IGF2R: variants seen among roughly 807,000 people sequenced by gnomAD.
IGF2R encodes the protein cation-independent mannose-6-phosphate receptor.
IGF2R carries 91 observed loss-of-function variants against 270.6 expected under a neutral mutation model. That is an observed-to-expected ratio of 0.34 (90% confidence interval 0.28 to 0.40). IGF2R has a LOEUF of 0.40. Ranked by LOEUF, IGF2R falls within the 10% of genes least tolerant of loss-of-function variation. The pLI is 1.00. For synonymous variants in IGF2R, 1,316 were observed against 1,258.9 expected (o/e 1.05, Z -0.96); for missense variants, 2,805 against 3,188.3 (o/e 0.88, Z 2.90).
In IGF2R at chr6:160,061,554, C is replaced by G; in HGVS notation, c.3314C>G (p.Pro1105Arg). 2 of 1,614,124 alleles carry G rather than the reference C, an allele frequency of 1.2e-6. No homozygotes were observed. The highest frequency in any genetic ancestry group is 1.7e-6 in the Non-Finnish European group (2 of 1,179,994). The change falls in exon 24 of 48, where the codon CCT becomes CGT. Residue 1105 changes from proline to arginine, a missense_variant. Coordinates refer to ENST00000356956, the MANE Select transcript of IGF2R (RefSeq NM_000876.4). Reference sequence around the variant, plus strand: ...ACTGGCCTAAGCACAGTCAGGAAACCTTGGACGGCTGTTGACACCTCTGTC... The same window carrying G: ...ACTGGCCTAAGCACAGTCAGGAAACGTTGGACGGCTGTTGACACCTCTGTC... The part of the protein sequence containing the change: ...DLTGLSTVRK[P>R]WTAVDTSVDG...
Position 160,079,794 on chromosome 6 carries a change from A to T in IGF2R, c.5686+7A>T. 6.9e-7 allele frequency: 1 copy of T among 1,449,590 alleles called. No individual in the cohort carries two copies. The highest frequency in any genetic ancestry group is 9.1e-7 in the Non-Finnish European group (1 of 1,096,444). The allele number at this position is 1,449,590 out of a possible 1,614,324, so 89.8% of individuals were successfully genotyped here. A position where few individuals can be genotyped will look rare whatever the true frequency, so the allele number is the denominator to read the frequency against. ...GGTGATCGTTGCCCTCCAGGTAAAT[A>T]TTTGCAATGAGGTAAATAAACTTCA... On this transcript the variant is annotated splice_region_variant and intron_variant, in intron 38 of 47. Coordinates refer to ENST00000356956, the MANE Select transcript of IGF2R (RefSeq NM_000876.4).
intron 16 of IGF2R, 95 bp from the exon 17 acceptor site, chr6:160,047,690 GTTTCTCA>G (rs1487830575): frequency 1.3e-6 from 1 of 786,704 alleles, no homozygotes; most frequent in Admixed American, 1.8e-5. Flanking sequence ...TTTCTTCACA[GTTTCTCA>G]TTGGGAACAT....
intron 23 of IGF2R, 38 bp downstream of exon 23, chr6:160,060,755 A>G (rs760112455): frequency 3.1e-6 from 5 of 1,606,206 alleles, no homozygotes; most frequent in South Asian, 2.2e-5. Context: ...AGGCCGGTCA[A>G]GAGTCAGTGT....
rs1215979800 is a variant in IGF2R at position 160,080,117 on chromosome 6, T to C, written c.5687-12T>C. 6.2e-7 allele frequency: 1 copy of C among 1,613,840 alleles called. No individual in the cohort carries two copies. The highest frequency in any genetic ancestry group is 1.3e-5 in the African/African-American group (1 of 75,066). On this transcript the variant is annotated splice_polypyrimidine_tract_variant and intron_variant, in intron 38 of 47. Coordinates refer to ENST00000356956, the MANE Select transcript of IGF2R (RefSeq NM_000876.4). ...ACAGCTGCCACACTGATAATGTTCTTCTTCTTTCCAGAAACCGATGACGGC... is the reference window on the plus strand; with the variant it reads ...ACAGCTGCCACACTGATAATGTTCTCCTTCTTTCCAGAAACCGATGACGGC...
intron 11 of IGF2R, among the ~76,000 whole-genome samples, chr6:160,041,618 C>T (rs1419063972): frequency 6.6e-6 from 1 of 152,102 alleles, no homozygotes; most frequent in Non-Finnish European, 1.5e-5. Flanking sequence ...AATAAAACTG[C>T]CAGGGTGACA....
At chr6:159,982,631 A>G (rs550952671) in intron 1 of IGF2R, among the ~76,000 whole-genome samples, 2 of 152,214 alleles carry the variant, frequency 1.3e-5, no homozygotes, top group African/African-American at 4.8e-5. Flanking sequence ...TCCTGCCTTT[A>G]TCTTGCTTTA....
At chr6:160,000,336 A>C (rs1784108830) in intron 2 of IGF2R, among the ~76,000 whole-genome samples, 1 of 152,160 alleles carries the variant, frequency 6.6e-6, no homozygotes, top group African/African-American at 2.4e-5. Context: ...ACATGGTGAC[A>C]GGAGAGGAGT....
At position 160,107,783 on chromosome 6, in the gene IGF2R, C is replaced by T. The variant is rs983862393; in HGVS notation, c.*2699C>T. 3 of 152,156 alleles carry T rather than the reference C, an allele frequency of 2.0e-5. No individual in the cohort carries two copies. The highest frequency in any genetic ancestry group is 2.9e-5 in the Non-Finnish European group (2 of 68,026). The allele number at this position is 152,156 out of a possible 1,614,324, so 9.4% of individuals were successfully genotyped here. ...ACCAACCCTAAAATAATACGTAACA[C>T]GAGATGATTCCTCAGGAAGGAACAT... On this transcript the variant is annotated 3_prime_UTR_variant, in exon 48 of 48. Coordinates refer to ENST00000356956, the MANE Select transcript of IGF2R (RefSeq NM_000876.4).
chr6:160,028,634 G>A (rs1293265951), intron 6 of IGF2R, among the ~76,000 whole-genome samples: 9 of 152,232 alleles, frequency 5.9e-5, no homozygotes, highest in Non-Finnish European at 1.3e-4. Context: ...GTAAACCCTG[G>A]TGGTGGGGGC....
At chr6:160,064,925 C>T (rs1342549544) in intron 29 of IGF2R, 24 bp downstream of exon 29, 1 of 1,474,378 alleles carries the variant, frequency 6.8e-7, no homozygotes, top group Non-Finnish European at 9.5e-7. Flanking sequence ...TGTGTTGTCT[C>T]TTTTGGACAG....
Position 159,988,820 on chromosome 6 carries a change from G to A in IGF2R, c.150-2364G>A, listed in dbSNP as rs7754417. Among the ~76,000 whole-genome samples the A allele has an allele frequency of 7.1e-3, 1,085 of 152,224 alleles. 16 individuals are homozygous for A. Among genetic ancestry groups the A allele is most frequent in the African/African-American group, 0.025 (1,050 of 41,532 alleles). On this transcript the variant is annotated intron_variant, in intron 1 of 47. Transcript: ENST00000356956. ...GGAATATACACTCCGAGAGGGCAGG[G>A]CGTCTTTGTTTTGTTCATTGCTGTA...
intron 44 of IGF2R, chr6:160,093,961 G>A: frequency 1.5e-6 from 1 of 687,790 alleles, no homozygotes; most frequent in Non-Finnish European, 2.8e-6. Flanking sequence ...GAAGGTGGAT[G>A]TAGAACAGAA....
intron 7 of IGF2R, 125 bp downstream of exon 7, chr6:160,029,780 A>T (rs1052821923): frequency 4.6e-6 from 3 of 654,782 alleles, no homozygotes; most frequent in Non-Finnish European, 8.3e-6. Flanking sequence ...TGACAGAGGC[A>T]CTGGTGGGTT....
intron 45 of IGF2R, among the ~76,000 whole-genome samples, chr6:160,097,595 G>T (rs1216354095): frequency 1.3e-5 from 2 of 152,220 alleles, no homozygotes; most frequent in Admixed American, 6.5e-5. Flanking sequence ...CTCCCAAAGT[G>T]CTGGCATTAC....
chr6:160,056,569 G>A, intron 20 of IGF2R, 44 bp downstream of exon 20: 1 of 1,276,358 alleles, frequency 7.8e-7, no homozygotes, highest in South Asian at 1.2e-5. Context: ...CTGCCTGCTG[G>A]ACATCCTCAA....
chr6:160,091,078 G>A (rs1227711184), intron 44 of IGF2R, among the ~76,000 whole-genome samples: 1 of 141,368 alleles, frequency 7.1e-6, no homozygotes, highest in African/African-American at 2.7e-5. Context: ...GTGCGGCTGA[G>A]AAGGAGCGGG....
intron 1 of IGF2R, among the ~76,000 whole-genome samples, chr6:159,985,167 A>G (rs1230917655): frequency 6.6e-6 from 1 of 152,200 alleles, no homozygotes; most frequent in African/African-American, 2.4e-5. Context: ...TGTCCTTTTA[A>G]TGGCATTTAT....
At position 160,063,635 on chromosome 6, in the gene IGF2R, C is replaced by T. The variant is rs571052702; in HGVS notation, c.3886+5C>T. The stretch of plus-strand genomic sequence containing the variant: ...AGGGATTTCACAAAGTGGCAGGTAC[C>T]ATTGTTTGTCGTTTTCCTTTTGTTG... On this transcript the variant is annotated splice_donor_5th_base_variant and intron_variant, in intron 27 of 47. Transcript: ENST00000356956. 1.2e-6 allele frequency: 2 copies of T among 1,603,624 alleles called. No homozygotes were observed. The highest frequency in any genetic ancestry group is 1.7e-6 in the Non-Finnish European group (2 of 1,172,612).
At chr6:160,038,006 T>A (rs559167096) in intron 10 of IGF2R, among the ~76,000 whole-genome samples, 4 of 152,310 alleles carry the variant, frequency 2.6e-5, no homozygotes, top group Non-Finnish European at 5.9e-5. Context: ...GCTATGTGTC[T>A]AGAGGAAAAA....
Sources: allele counts gnomAD v4.1 joint callset (sites outside exome capture counted in the v4.1 genomes callset), GRCh38; gene constraint gnomAD v4.1.1; transcripts MANE v1.5; gene names NCBI Gene and HGNC (gene_info 2026-07-23, HGNC 2026-07-21).